The following HTR5A variants were observed in gnomAD, a reference collection of about 807,000 sequenced individuals.
The protein encoded by HTR5A is 5-HT-5.
Under a neutral mutation model 24.3 loss-of-function variants are expected in HTR5A, and 21 were observed. The ratio of observed to expected loss-of-function variants is 0.86; its 90% CI spans 0.61 to 1.24. The LOEUF (loss-of-function observed/expected upper bound fraction) is 1.24, where lower values mean the gene tolerates loss of function less well. Among genes scored for constraint, HTR5A ranks in the 50% most tolerant of loss-of-function variants. The pLI, the probability that HTR5A is intolerant of heterozygous loss-of-function variation, is 0.00. For missense variants in HTR5A, 497 were observed against 489.5 expected (o/e 1.02, Z -0.15); for synonymous variants, 260 against 213.7 (o/e 1.22, Z -1.89).
intron 1 of HTR5A, 49 bp from the exon 2 acceptor site, chr7:155,084,106 C>G: frequency 6.9e-7 from 1 of 1,445,808 alleles, no homozygotes; most frequent in Non-Finnish European, 9.4e-7. Flanking sequence ...CTCAGCCTAG[C>G]AGGTAGACTG....
chr7:155,084,404 T>C lies in HTR5A; in HGVS notation c.991T>C (p.Ser331Pro). The stretch of plus-strand genomic sequence containing the variant: ...CTTCCTGTGGCTTGGCTACTCCAAC[T>C]CCTTCTTTAACCCCCTGATCTATAC... ...SIFLWLGYSN[S>P]FFNPLIYTAF... Residue 331 changes from serine (S) to proline (P), a missense_variant, in exon 2 of 2, where the codon TCC becomes CCC. Ser to Pro is a moderately conservative substitution (Grantham distance 74). Transcript: ENST00000287907. 6.2e-7 allele frequency: 1 copy of C among 1,614,170 alleles called. No individual in the cohort carries two copies. The highest frequency in any genetic ancestry group is 8.5e-7 in the Non-Finnish European group (1 of 1,180,030).
rs1326762339 is a variant in HTR5A, at chr7:155,071,577, T to A, written c.678T>A (p.Ala226=). ...VLFVYWKIYK[A]AKFRVGSRKT... The stretch of plus-strand genomic sequence containing the variant: ...TCGTGTACTGGAAGATCTACAAGGC[T>A]GCCAAGTTCCGCGTGGGCTCCAGGA... The change falls in exon 1 of 2, where the codon GCT becomes GCA. Residue 226 remains alanine, a synonymous_variant. Transcript: ENST00000287907. 1.2e-6 allele frequency: 2 copies of A among 1,614,086 alleles called. No individual in the cohort carries two copies. The highest frequency in any genetic ancestry group is 2.2e-5 in the East Asian group (1 of 44,892).
At position 155,085,889 on chromosome 7, in the gene HTR5A, A is replaced by G. The variant is rs1442949490; in HGVS notation, c.*1402A>G. 1.3e-5 allele frequency: 2 copies of G among 152,206 alleles called. No homozygotes were observed. The highest frequency in any genetic ancestry group is 2.9e-5 in the Non-Finnish European group (2 of 68,034). The allele number at this position is 152,206 out of a possible 1,614,324, so 9.4% of individuals were successfully genotyped here. A position where few individuals can be genotyped will look rare whatever the true frequency, so the allele number is the denominator to read the frequency against. ...CTTTATTGCAAAGACTAGCTTTATCAAAAGAATGTGAGCAGATAAAGAAAT... is the reference window on the plus strand; with the variant it reads ...CTTTATTGCAAAGACTAGCTTTATCGAAAGAATGTGAGCAGATAAAGAAAT... On this transcript the variant is annotated 3_prime_UTR_variant, in exon 2 of 2. Coordinates refer to ENST00000287907, the MANE Select transcript of HTR5A (RefSeq NM_024012.4).
At chr7:155,079,118 C>A (rs1000029446) in intron 1 of HTR5A, among the ~76,000 whole-genome samples, 1 of 152,010 alleles carries the variant, frequency 6.6e-6, no homozygotes. Context: ...CCACACCTGG[C>A]TAATTTTTAA....
intron 1 of HTR5A, among the ~76,000 whole-genome samples, chr7:155,082,759 T>C (rs1266450674): frequency 6.6e-6 from 1 of 152,222 alleles, no homozygotes; most frequent in Non-Finnish European, 1.5e-5. Context: ...CTAAATATGG[T>C]TTGGATTTCT....
rs541133586 is a variant in HTR5A at position 155,070,967 on chromosome 7, G to C, written c.68G>C (p.Ser23Thr). 1.9e-5 allele frequency: 31 copies of C among 1,610,958 alleles called. No homozygotes were observed. The East Asian group carries it at 6.2e-4, about 32-fold the overall frequency. Reference sequence around the variant, plus strand: ...CCCTCCCCTTTGGAGACCAACCACAGCCTCGGCAAAGACGACCTGCGCCCC... The same window carrying C: ...CCCTCCCCTTTGGAGACCAACCACACCCTCGGCAAAGACGACCTGCGCCCC... ...STPSPLETNH[S>T]LGKDDLRPSS... Residue 23 changes from serine to threonine, a missense_variant, in exon 1 of 2, where the codon AGC becomes ACC. Physicochemically the swap from Ser to Thr is moderately conservative, Grantham distance 58. Coordinates refer to ENST00000287907, the MANE Select transcript of HTR5A (RefSeq NM_024012.4).
chr7:155,078,381 C>G (rs1795380157), intron 1 of HTR5A, among the ~76,000 whole-genome samples: 1 of 152,166 alleles, frequency 6.6e-6, no homozygotes, highest in South Asian at 2.1e-4. Context: ...TGGGTATACA[C>G]AAATATGCTG....
In HTR5A at chr7:155,070,586, CCAAA is replaced by C. The variant is rs961158624; in HGVS notation, c.-311_-308del. The C allele has an allele frequency of 2.4e-5, 10 of 423,200 alleles. No homozygotes were observed. Among genetic ancestry groups the C allele is most frequent in the Middle Eastern group, 5.5e-4 (1 of 1,828 alleles). 26.2% of individuals were successfully genotyped at this position (423,200 alleles called of 1,614,324 possible). A position where few individuals can be genotyped will look rare whatever the true frequency, so the allele number is the denominator to read the frequency against. ...CTGGGAGATGCTCGGCTCTGGGCGGCCAAACAGCCTTTCCACCAAGGCGAGGAGC... is the reference window on the plus strand; with the variant it reads ...CTGGGAGATGCTCGGCTCTGGGCGGCCAGCCTTTCCACCAAGGCGAGGAGC... On this transcript the variant is annotated 5_prime_UTR_variant, in exon 1 of 2. It introduces an in-frame stop codon into an upstream open reading frame of the 5' UTR. Coordinates refer to ENST00000287907, the MANE Select transcript of HTR5A (RefSeq NM_024012.4).
chr7:155,081,104 G>A (rs377613142), intron 1 of HTR5A, among the ~76,000 whole-genome samples: 8 of 152,156 alleles, frequency 5.3e-5, no homozygotes, highest in Admixed American at 3.3e-4. Flanking sequence ...TCATACCCTC[G>A]TGGAGGCTTC....
At position 155,084,548 on chromosome 7, in the gene HTR5A, C is replaced by A; in HGVS notation, c.*61C>A. 1.5e-6 allele frequency: 2 copies of A among 1,362,158 alleles called. No homozygotes were observed. The highest frequency in any genetic ancestry group is 1.0e-6 in the Non-Finnish European group (1 of 985,060). 84.4% of individuals were successfully genotyped at this position (1,362,158 alleles called of 1,614,324 possible). A position where few individuals can be genotyped will look rare whatever the true frequency, so the allele number is the denominator to read the frequency against. On this transcript the variant is annotated 3_prime_UTR_variant, in exon 2 of 2. Coordinates refer to ENST00000287907, the MANE Select transcript of HTR5A (RefSeq NM_024012.4). ...TAATTCAGTGGAATTCCCAGTTCAT[C>A]CATTTCCCATCCCCACCCAACAGCC...
intron 1 of HTR5A, among the ~76,000 whole-genome samples, chr7:155,080,895 G>A (rs530927085): frequency 3.9e-5 from 6 of 152,356 alleles, no homozygotes; most frequent in Non-Finnish European, 5.9e-5. Flanking sequence ...GTGCTCAGAA[G>A]TGTGTTTATT....
rs1353405319 is a variant in HTR5A, at chr7:155,070,641, G to T, written c.-259G>T. ...CCTGGGCTCCTGACAGCTTAGGCGG[G>T]CCCTGGCTGCGACACGCAGCCCCTC... is the stretch of plus-strand genomic sequence containing the variant. On this transcript the variant is annotated 5_prime_UTR_variant, in exon 1 of 2. Transcript: ENST00000287907. The T allele has an allele frequency of 1.9e-6, 1 of 525,860 alleles. No individual in the cohort carries two copies. Among genetic ancestry groups the T allele is most frequent in the Admixed American group, 3.3e-5 (1 of 30,160 alleles). 32.6% of individuals were successfully genotyped at this position (525,860 alleles called of 1,614,324 possible). A position where few individuals can be genotyped will look rare whatever the true frequency, so the allele number is the denominator to read the frequency against.
intron 1 of HTR5A, among the ~76,000 whole-genome samples, chr7:155,081,225 A>G (rs989132299): frequency 2.0e-5 from 3 of 152,100 alleles, no homozygotes; most frequent in Non-Finnish European, 4.4e-5. Flanking sequence ...ATCACCTGAA[A>G]CCACACTTCC....
Position 155,077,455 on chromosome 7 carries a change from GT to G in HTR5A, c.741+5825del, listed in dbSNP as rs936474849. ...ATCTGGTATAACCTATAACCAATAG[GT>G]TTTTTTTTTGTTTTTTTTTTTTTTT... is the stretch of plus-strand genomic sequence containing the variant. On this transcript the variant is annotated intron_variant, in intron 1 of 1. Transcript: ENST00000287907. 3.6e-4 allele frequency among the ~76,000 whole-genome samples: 43 copies of G among 120,548 alleles called. No homozygotes were observed. The South Asian group carries it at 3.7e-3, about 10-fold the overall frequency. The allele number at this position is 120,548 out of a possible 152,430, so 79.1% of individuals were successfully genotyped here.
In HTR5A at chr7:155,078,751, C is replaced by CTTTT. The variant is rs67688182; in HGVS notation, c.742-5396_742-5393dup. ...TATAACTCTTCTATTTTCTGTGCTT[C>CTTTT]TTTTTTTTTTTACCATTTTTTCTTA... On this transcript the variant is annotated intron_variant, in intron 1 of 1. Coordinates refer to ENST00000287907, the MANE Select transcript of HTR5A (RefSeq NM_024012.4). Among the ~76,000 whole-genome samples the CTTTT allele has an allele frequency of 2.3e-3, 324 of 139,214 alleles. 3 individuals are homozygous for CTTTT. Among genetic ancestry groups the CTTTT allele is most frequent in the African/African-American group, 4.1e-3 (159 of 38,848 alleles). The allele number at this position is 139,214 out of a possible 152,430, so 91.3% of individuals were successfully genotyped here.
At chr7:155,076,013 G>A (rs1016434109) in intron 1 of HTR5A, among the ~76,000 whole-genome samples, 2 of 152,194 alleles carry the variant, frequency 1.3e-5, no homozygotes, top group African/African-American at 4.8e-5. Flanking sequence ...GCCCTATGGA[G>A]CAATTAACTT....
At position 155,086,157 on chromosome 7, in the gene HTR5A, G is replaced by C. The variant is rs1795474478; in HGVS notation, c.*1670G>C. 6.6e-6 allele frequency among the ~76,000 whole-genome samples: 1 copy of C among 152,112 alleles called. No individual in the cohort carries two copies. Among genetic ancestry groups the C allele is most frequent in the Non-Finnish European group, 1.5e-5 (1 of 67,990 alleles). ...ATCAGAGAGAATAACAAATGCTATTGTTTTCTAGTGTTTTGAATAAGGGAA... is the reference window on the plus strand; with the variant it reads ...ATCAGAGAGAATAACAAATGCTATTCTTTTCTAGTGTTTTGAATAAGGGAA... On this transcript the variant is annotated 3_prime_UTR_variant, in exon 2 of 2. Transcript: ENST00000287907.
rs1205360600 is a variant in HTR5A at position 155,087,389 on chromosome 7, TC to T, written c.*2903del. 3.9e-5 allele frequency among the ~76,000 whole-genome samples: 6 copies of T among 152,094 alleles called. No homozygotes were observed. The highest frequency in any genetic ancestry group is 3.2e-3 in the Middle Eastern group (1 of 316). On this transcript the variant is annotated 3_prime_UTR_variant, in exon 2 of 2. Coordinates refer to ENST00000287907, the MANE Select transcript of HTR5A (RefSeq NM_024012.4). Reference sequence around the variant, plus strand: ...AGAAAATAAAGATTGAGTCCACAGCTCAAGTGCTGAGTGAAAGTGATTGCCA... The same window carrying T: ...AGAAAATAAAGATTGAGTCCACAGCTAAGTGCTGAGTGAAAGTGATTGCCA...
At chr7:155,073,877 G>GTATATATATATGTGTGTGTA (rs1795328197) in intron 1 of HTR5A, among the ~76,000 whole-genome samples, 2 of 8,008 alleles carry the variant, frequency 2.5e-4, no homozygotes, top group Non-Finnish European at 2.0e-3. Flanking sequence ...ATATATATAT[G>GTATATATATATGTGTGTGTA]TATATATATA....
Sources: allele counts gnomAD v4.1 joint callset (sites outside exome capture counted in the v4.1 genomes callset), GRCh38; gene constraint gnomAD v4.1.1; transcripts MANE v1.5; gene names NCBI Gene and HGNC (gene_info 2026-07-23, HGNC 2026-07-21).